KCNK17: variants seen among roughly 807,000 people sequenced by gnomAD.
KCNK17 encodes potassium channel subfamily K member 17.
KCNK17 carries 27 observed loss-of-function variants against 24.6 expected under a neutral mutation model. The ratio of observed to expected loss-of-function variants is 1.10; its 90% CI spans 0.81 to 1.51. The LOEUF (loss-of-function observed/expected upper bound fraction) is 1.51, where lower values mean the gene tolerates loss of function less well. Among genes scored for constraint, KCNK17 ranks in the 40% most tolerant of loss-of-function variants. The pLI, the probability that KCNK17 is intolerant of heterozygous loss-of-function variation, is 0.00. For missense variants in KCNK17, 450 were observed against 436.6 expected, an observed-to-expected ratio of 1.03 and a Z score of -0.27; for synonymous variants, 181 against 189.8, an observed-to-expected ratio of 0.95 and a Z score of 0.38.
rs372743457 is a variant in KCNK17 at position 39,304,115 on chromosome 6, C to T, written c.530G>A (p.Arg177Gln). ...GAGGGCGCCAGAGCCCGCCAGCCAC[C>T]GCGCCTTGTCAGGATCCTGTGGGTG... ...GGTWQDPDKARWLAGSGALLS... is the reference protein window; with the variant it reads ...GGTWQDPDKAQWLAGSGALLS... Residue 177 changes from arginine (R) to glutamine (Q), a missense_variant, in exon 4 of 5, where the codon CGG (arginine) becomes CAG (glutamine). Physicochemically the swap from Arg to Gln is conservative, Grantham distance 43 (BLOSUM62 1). Coordinates refer to ENST00000373231, the MANE Select transcript of KCNK17 (RefSeq NM_031460.4). The T allele has an allele frequency of 2.1e-5, 33 of 1,609,128 alleles. No homozygotes were observed. Among genetic ancestry groups the T allele is most frequent in the Non-Finnish European group, 2.7e-5 (32 of 1,179,918 alleles).
chr6:39,309,108 T>C (rs1358029607), intron 2 of KCNK17, among the ~76,000 whole-genome samples: 1 of 152,196 alleles, frequency 6.6e-6, no homozygotes, highest in Non-Finnish European at 1.5e-5. Flanking sequence ...GGTGGATCAC[T>C]TGAGGACAGG....
Position 39,303,939 on chromosome 6 carries a change from A to T in KCNK17, c.688+18T>A, listed in dbSNP as rs762480088. The T allele has an allele frequency of 1.2e-6, 2 of 1,607,614 alleles. No individual in the cohort carries two copies. The highest frequency in any genetic ancestry group is 1.7e-6 in the Non-Finnish European group (2 of 1,178,490). ...GCAGCCGAATGTCCCCGCCAGCCCA[A>T]CCGCCAGGAACTCTCACCAATCACG... is the stretch of plus-strand genomic sequence containing the variant. On this transcript the variant is annotated intron_variant, in intron 4 of 4. Coordinates refer to ENST00000373231, the MANE Select transcript of KCNK17 (RefSeq NM_031460.4).
intron 1 of KCNK17, among the ~76,000 whole-genome samples, chr6:39,312,680 G>A (rs1762161989): frequency 6.6e-6 from 1 of 152,190 alleles, no homozygotes; most frequent in African/African-American, 2.4e-5. Context: ...ACAGTGCTTG[G>A]CACACGATAA....
chr6:39,308,358 T>C (rs952246557), intron 2 of KCNK17, among the ~76,000 whole-genome samples: 1 of 152,242 alleles, frequency 6.6e-6, no homozygotes, highest in Non-Finnish European at 1.5e-5. Flanking sequence ...TGGCACAATC[T>C]CGGCTCACTG....
intron 1 of KCNK17, among the ~76,000 whole-genome samples, chr6:39,312,387 G>A (rs1417799909): frequency 6.6e-6 from 1 of 152,152 alleles, no homozygotes; most frequent in South Asian, 2.1e-4. Context: ...GGTGGGGGTG[G>A]AGGGAGTTGA....
At chr6:39,311,301 G>A (rs1248169817) in intron 1 of KCNK17, among the ~76,000 whole-genome samples, 1 of 151,976 alleles carries the variant, frequency 6.6e-6, no homozygotes, top group African/African-American at 2.4e-5. Context: ...GTAAACCAGC[G>A]ACTCATTTTC....
At chr6:39,311,109 C>CAT (rs1409254597) in intron 1 of KCNK17, 102 bp from the exon 2 acceptor site, 6 of 572,456 alleles carry the variant, frequency 1.0e-5, no homozygotes, top group South Asian at 6.7e-5. Flanking sequence ...CACACACACA[C>CAT]ACACACACAC....
At chr6:39,313,361 G>A (rs2113843344) in intron 1 of KCNK17, among the ~76,000 whole-genome samples, 1 of 152,314 alleles carries the variant, frequency 6.6e-6, no homozygotes, top group Admixed American at 6.5e-5. Context: ...CCTTGTGTCC[G>A]AAGACTCGGA....
chr6:39,300,700 A>G (rs1562080010), intron 4 of KCNK17, among the ~76,000 whole-genome samples: 1 of 151,320 alleles, frequency 6.6e-6, no homozygotes, highest in East Asian at 1.9e-4. Context: ...TCTGCAGCAC[A>G]CCTCTCCCCT....
In KCNK17 at chr6:39,314,180, C is replaced by A; in HGVS notation, c.141G>T (p.Ala47=). 6.4e-7 allele frequency: 1 copy of A among 1,558,214 alleles called. No homozygotes were observed. Among genetic ancestry groups the A allele is most frequent in the Middle Eastern group, 1.7e-4 (1 of 6,000 alleles). ...TGVFWTLEGR[A]AQDSSRSFQR... ...GGAAGCTGCGGCTGGAGTCCTGCGC[C>A]GCGCGGCCCTCCAGCGTCCAGAACA... Residue 47 remains alanine, a synonymous_variant, in exon 1 of 5, where the codon GCG becomes GCT. Transcript: ENST00000373231.
At chr6:39,305,487 G>T (rs2113836932) in intron 2 of KCNK17, among the ~76,000 whole-genome samples, 1 of 148,040 alleles carries the variant, frequency 6.8e-6, no homozygotes, top group South Asian at 2.2e-4. Context: ...AGGGGAGGAG[G>T]TAGAAGTTGG....
intron 2 of KCNK17, among the ~76,000 whole-genome samples, chr6:39,309,691 A>G (rs1345957069): frequency 2.0e-5 from 3 of 152,218 alleles, no homozygotes. Context: ...CCTGGCCTAC[A>G]GTGACTGTGT....
chr6:39,299,448 T>C lies in KCNK17; in HGVS notation c.978A>G (p.Ala326=), dbSNP rs1761910391. 1 of 1,613,502 alleles carries C rather than the reference T, an allele frequency of 6.2e-7. No individual in the cohort carries two copies. The highest frequency in any genetic ancestry group is 8.5e-7 in the Non-Finnish European group (1 of 1,179,570). ...ATAACTAGCTGTCCTTGCCACAGCC[T>C]GCAGCGTGAGCAGAAGGTTCCAGAT... ...IQHLEPSAHA[A]GCGKDS Residue 326 remains alanine, a synonymous_variant, in exon 5 of 5, where the codon GCA becomes GCG. Transcript: ENST00000373231.
intron 4 of KCNK17, 79 bp from the exon 5 acceptor site, chr6:39,299,816 G>A: frequency 6.9e-7 from 1 of 1,444,320 alleles, no homozygotes; most frequent in Admixed American, 1.8e-5. Context: ...AGAGATACAT[G>A]GTTTGATTCA....
chr6:39,299,846 C>A, intron 4 of KCNK17, 109 bp from the exon 5 acceptor site: 1 of 1,152,168 alleles, frequency 8.7e-7, no homozygotes, highest in Non-Finnish European at 1.3e-6. Context: ...GTTGAGGTGC[C>A]AATGGGACAG....
At chr6:39,305,132 G>C (rs1762014019) in intron 2 of KCNK17, among the ~76,000 whole-genome samples, 1 of 152,184 alleles carries the variant, frequency 6.6e-6, no homozygotes, top group Non-Finnish European at 1.5e-5. Flanking sequence ...ACTGAAGCTG[G>C]CCATCCCTGC....
intron 4 of KCNK17, among the ~76,000 whole-genome samples, chr6:39,300,205 C>A (rs537591368): frequency 6.6e-6 from 1 of 152,354 alleles, no homozygotes; most frequent in East Asian, 1.9e-4. Flanking sequence ...TCACTGCAAC[C>A]TCCGCCTCCT....
intron 2 of KCNK17, among the ~76,000 whole-genome samples, chr6:39,305,756 C>G (rs1245048407): frequency 2.6e-5 from 4 of 152,160 alleles, no homozygotes; most frequent in Admixed American, 6.5e-5. Context: ...CGTCTGGTGC[C>G]CCCGCTTCCC....
rs769171001 is a variant in KCNK17 at position 39,304,463 on chromosome 6, C to A, written c.513+32G>T. 3.2e-6 allele frequency: 5 copies of A among 1,587,046 alleles called. No individual in the cohort carries two copies. The Admixed American group carries it at 8.4e-5, about 27-fold the overall frequency. Reference sequence around the variant, plus strand: ...CCACAGCCCCTCATTCTAGAAGTGACCCATCCCCACCCCGTCCAGCAGCCC... The same window carrying A: ...CCACAGCCCCTCATTCTAGAAGTGAACCATCCCCACCCCGTCCAGCAGCCC... On this transcript the variant is annotated intron_variant, in intron 3 of 4. Coordinates refer to ENST00000373231, the MANE Select transcript of KCNK17 (RefSeq NM_031460.4).
Sources: gnomAD v4.1 joint callset for allele counts (sites outside exome capture counted in the v4.1 genomes callset) on GRCh38, gnomAD v4.1.1 for gene constraint, MANE v1.5 for transcripts, NCBI Gene and HGNC (gene_info 2026-07-23, HGNC 2026-07-21) for gene names.